Variants in HMGB1 observed in about 807,000 individuals in gnomAD.
HMGB1 encodes the protein high mobility group protein B1.
For synonymous variants in HMGB1, 81 were observed against 84.0 expected (o/e 0.96, Z 0.19); for missense variants, 79 against 253.5 (o/e 0.31, Z 4.67).
chr13:30,612,186 T>A (rs1488352767), intron 1 of HMGB1, among the ~76,000 whole-genome samples: 2 of 152,176 alleles, frequency 1.3e-5, no homozygotes, highest in African/African-American at 4.8e-5. Context: ...CATACATGTA[T>A]ATATACATAT....
chr13:30,514,381 G>T (rs1361726592), intron 1 of HMGB1, among the ~76,000 whole-genome samples: 6 of 145,628 alleles, frequency 4.1e-5, no homozygotes, highest in African/African-American at 1.5e-4. Context: ...AAGAGATAGG[G>T]TCTCACTATG....
intron 1 of HMGB1, among the ~76,000 whole-genome samples, chr13:30,615,886 C>T (rs1311672727): frequency 1.3e-5 from 2 of 152,172 alleles, no homozygotes; most frequent in African/African-American, 4.8e-5. Context: ...AGCTTCCTCC[C>T]TTTAAATCAT....
At chr13:30,571,768 G>A (rs1173045227) in intron 1 of HMGB1, among the ~76,000 whole-genome samples, 1 of 152,028 alleles carries the variant, frequency 6.6e-6, no homozygotes, top group Non-Finnish European at 1.5e-5. Context: ...AATAGTTCAG[G>A]ATTAAGGAAG....
At chr13:30,554,631 AAG>A in intron 1 of HMGB1, 1 of 772,334 alleles carries the variant, frequency 1.3e-6, no homozygotes. Flanking sequence ...ATTGGTCTAG[AAG>A]AAGAAAAACT....
At chr13:30,533,213 C>A (rs1380123984) in intron 1 of HMGB1, among the ~76,000 whole-genome samples, 2 of 152,206 alleles carry the variant, frequency 1.3e-5, no homozygotes, top group African/African-American at 4.8e-5. Context: ...TGCAGGGAGG[C>A]ACTGGGATTG....
rs1290201405 is a variant in HMGB1 at position 30,456,866 on chromosome 13, A to C, written c.*4491T>G. The C allele has an allele frequency of 1.3e-5, 2 of 151,126 alleles. No homozygotes were observed. The highest frequency in any genetic ancestry group is 4.9e-5 in the African/African-American group (2 of 41,038). 9.4% of individuals were successfully genotyped at this position (151,126 alleles called of 1,614,324 possible). ...ACTTTTGAGGTATCTGAAGACCCAC[A>C]CATGCCTGAGAGAAATGTACAGATG... On this transcript the variant is annotated 3_prime_UTR_variant, in exon 5 of 5. Transcript: ENST00000341423.
chr13:30,578,597 G>A (rs1055799322), intron 1 of HMGB1, among the ~76,000 whole-genome samples: 1 of 151,872 alleles, frequency 6.6e-6, no homozygotes, highest in African/African-American at 2.4e-5. Flanking sequence ...CCTTTAAACA[G>A]CCGACAGAAT....
intron 1 of HMGB1, among the ~76,000 whole-genome samples, chr13:30,563,628 A>G (rs1477662093): frequency 1.3e-5 from 2 of 152,172 alleles, no homozygotes; most frequent in Non-Finnish European, 2.9e-5. Flanking sequence ...AAATACATCA[A>G]ATAAAAATTA....
rs560558293 is a variant in HMGB1, at chr13:30,554,457, A to T, written c.-15+62214T>A. 1.7e-5 allele frequency: 17 copies of T among 985,062 alleles called. No individual in the cohort carries two copies. In the South Asian group the frequency reaches 2.2e-4, roughly 13 times the overall value. The allele number at this position is 985,062 out of a possible 1,614,324, so 61.0% of individuals were successfully genotyped here. ...TGAATGGGTCTTATTCAGACCCCAG[A>T]TCAACTGAGATTCTCATACATGGCT... On this transcript the variant is annotated intron_variant, in intron 1 of 4. Coordinates refer to the HMGB1 transcript ENST00000405805.
chr13:30,543,909 G>A (rs760623824), intron 1 of HMGB1, among the ~76,000 whole-genome samples: 10 of 152,138 alleles, frequency 6.6e-5, no homozygotes, highest in Non-Finnish European at 1.3e-4. Flanking sequence ...AGGCATAAAG[G>A]GTCTTTCCCA....
chr13:30,587,145 G>A (rs1871189929), intron 1 of HMGB1, among the ~76,000 whole-genome samples: 1 of 152,018 alleles, frequency 6.6e-6, no homozygotes, highest in African/African-American at 2.4e-5. Context: ...CTATTTCTTT[G>A]TAAAAACAAT....
At chr13:30,465,113 G>C (rs1201718806) in intron 1 of HMGB1, 35 of 958,904 alleles carry the variant, frequency 3.6e-5, no homozygotes, top group East Asian at 1.2e-4. Flanking sequence ...CGCCCGCCTT[G>C]TTTTCTCTCC....
At chr13:30,616,733 G>C (rs1394329696) in exon 1 of HMGB1, 1 of 152,158 alleles carries the variant, frequency 6.6e-6, no homozygotes, top group African/African-American at 2.4e-5. Context: ...TTTGCATTCA[G>C]AAGTACCAAA....
intron 1 of HMGB1, among the ~76,000 whole-genome samples, chr13:30,507,796 C>T (rs1205153797): frequency 6.6e-6 from 1 of 152,170 alleles, no homozygotes; most frequent in Non-Finnish European, 1.5e-5. Context: ...GAGTTCATGA[C>T]CAGCCTAGAA....
intron 1 of HMGB1, among the ~76,000 whole-genome samples, chr13:30,583,842 A>T (rs1298083463): frequency 8.0e-6 from 1 of 124,824 alleles, no homozygotes; most frequent in Non-Finnish European, 1.7e-5. Flanking sequence ...AAAAAAAAAA[A>T]GAAAGAAAGA....
intron 1 of HMGB1, among the ~76,000 whole-genome samples, chr13:30,530,741 T>C (rs2137485636): frequency 6.6e-6 from 1 of 152,292 alleles, no homozygotes; most frequent in South Asian, 2.1e-4. Flanking sequence ...ATGATCTTAT[T>C]GGTGCAACAA....
At chr13:30,588,871 C>T (rs886358351) in intron 1 of HMGB1, among the ~76,000 whole-genome samples, 1 of 151,820 alleles carries the variant, frequency 6.6e-6, no homozygotes, top group African/African-American at 2.4e-5. Context: ...GAGCCGACAT[C>T]GCGCCACTGC....
chr13:30,468,839 A>C (rs886952524), upstream of HMGB1, among the ~76,000 whole-genome samples: 2 of 152,156 alleles, frequency 1.3e-5, no homozygotes, highest in East Asian at 3.8e-4. Flanking sequence ...CTTCCACATG[A>C]ATCCTTAGTC....
intron 1 of HMGB1, among the ~76,000 whole-genome samples, chr13:30,528,186 G>T (rs976842291): frequency 6.6e-6 from 1 of 152,176 alleles, no homozygotes; most frequent in Non-Finnish European, 1.5e-5. Context: ...TTTTGACTCA[G>T]GGCTCCCATC....
Sources: gnomAD v4.1 joint callset for allele counts (sites outside exome capture counted in the v4.1 genomes callset) on GRCh38, gnomAD v4.1.1 for gene constraint, MANE v1.5 for transcripts, NCBI Gene and HGNC (gene_info 2026-07-23, HGNC 2026-07-21) for gene names.